Variants in DNAJC5 observed in about 807,000 individuals in gnomAD.
DNAJC5 encodes dnaJ homolog subfamily C member 5.
Under a neutral mutation model 23.2 loss-of-function variants are expected in DNAJC5, and 1 was observed. The observed-to-expected ratio is 0.04, with a 90% CI of 0.02 to 0.20. The LOEUF is 0.20. Among genes scored for constraint, DNAJC5 ranks in the 10% least tolerant of loss-of-function variants. DNAJC5 has a pLI of 1.00. For missense variants in DNAJC5, 180 were observed against 267.0 expected, an observed-to-expected ratio of 0.67 and a Z score of 2.27; for synonymous variants, 136 against 120.0, an observed-to-expected ratio of 1.13 and a Z score of -0.87.
intron 1 of DNAJC5, among the ~76,000 whole-genome samples, chr20:63,903,293 C>T (rs563597792): frequency 3.1e-4 from 47 of 152,186 alleles, no homozygotes; most frequent in Admixed American, 1.1e-3. Context: ...ATTGTAGGCA[C>T]GCACCACCTC....
At chr20:63,896,176 C>A (rs537590116) in intron 1 of DNAJC5, among the ~76,000 whole-genome samples, 21 of 152,254 alleles carry the variant, frequency 1.4e-4, no homozygotes, top group African/African-American at 4.8e-4. Context: ...TTACATTGCT[C>A]CCACTATTGT....
At chr20:63,923,011 C>T (rs923661846) in intron 1 of DNAJC5, among the ~76,000 whole-genome samples, 3 of 151,872 alleles carry the variant, frequency 2.0e-5, no homozygotes, top group Non-Finnish European at 2.9e-5. Flanking sequence ...CGTGGTGGTA[C>T]GTGCCTGTAG....
At chr20:63,916,952 C>T (rs151241652) in intron 1 of DNAJC5, among the ~76,000 whole-genome samples, 19 of 152,284 alleles carry the variant, frequency 1.2e-4, no homozygotes, top group Admixed American at 2.6e-4. Flanking sequence ...CTGAAAATCA[C>T]GATTATTCTG....
At position 63,930,899 on chromosome 20, in the gene DNAJC5, T is replaced by G. The variant is rs373850027; in HGVS notation, c.370T>G (p.Cys124Gly). 12 of 1,613,928 alleles carry G rather than the reference T, an allele frequency of 7.4e-6. No individual in the cohort carries two copies. The highest frequency in any genetic ancestry group is 1.3e-5 in the African/African-American group (1 of 74,952). The change falls in exon 4 of 5, where the codon TGT becomes GGT. Residue 124 changes from cysteine to glycine, a missense_variant. Physicochemically the swap from Cys to Gly is radical, Grantham distance 159. Around this residue, in one of 3 missense-constraint regions of DNAJC5, gnomAD observed 97 missense variants for 123.4 expected, o/e 0.79. Transcript: ENST00000360864. ...GLLTCCYCCC[C>G]LCCCFNCCCG... ...CCTCACGTGCTGCTACTGCTGCTGC[T>G]GTCTGTGCTGCTGCTTCAACTGCTG... is the stretch of plus-strand genomic sequence containing the variant.
In DNAJC5 at chr20:63,934,090, ACT is replaced by A. The variant is rs1270433637; in HGVS notation, c.*2524_*2525del. 6.6e-6 allele frequency: 1 copy of A among 151,798 alleles called. No individual in the cohort carries two copies. Among genetic ancestry groups the A allele is most frequent in the Non-Finnish European group, 1.5e-5 (1 of 67,892 alleles). The allele number at this position is 151,798 out of a possible 1,614,324, so 9.4% of individuals were successfully genotyped here. A position where few individuals can be genotyped will look rare whatever the true frequency, so the allele number is the denominator to read the frequency against. ...TAGACGACCCCCGGGAAGCCCAGAC[ACT>A]CGGGGCCTGGAGTTCCTCCCCCTGC... is the stretch of plus-strand genomic sequence containing the variant. On this transcript the variant is annotated 3_prime_UTR_variant, in exon 5 of 5. Coordinates refer to ENST00000360864, the MANE Select transcript of DNAJC5 (RefSeq NM_025219.3).
chr20:63,914,936 A>C (rs568692939), intron 1 of DNAJC5, among the ~76,000 whole-genome samples: 1 of 152,246 alleles, frequency 6.6e-6, no homozygotes, highest in South Asian at 2.1e-4. Context: ...GCTTTTGTAA[A>C]AGTTTTGGAA....
At position 63,932,422 on chromosome 20, in the gene DNAJC5, C is replaced by G. The variant is rs1255338436; in HGVS notation, c.*854C>G. On this transcript the variant is annotated 3_prime_UTR_variant, in exon 5 of 5. Transcript: ENST00000360864. This position sits in a 1 kb window ranked among gnomAD's most constrained non-coding sequence, Gnocchi z 4.4. The stretch of plus-strand genomic sequence containing the variant: ...TGGATTGATGGGGCCAGTCTCCCCC[C>G]TCCCATCTTGAGGTCGTTCTCCACA... The G allele has an allele frequency of 1.3e-5, 2 of 152,826 alleles. No homozygotes were observed. The highest frequency in any genetic ancestry group is 6.5e-5 in the Admixed American group (1 of 15,272). The allele number at this position is 152,826 out of a possible 1,614,324, so 9.5% of individuals were successfully genotyped here. A position where few individuals can be genotyped will look rare whatever the true frequency, so the allele number is the denominator to read the frequency against.
chr20:63,920,257 G>A lies in DNAJC5; in HGVS notation c.-11-8078G>A, dbSNP rs573342809. 6.6e-6 allele frequency among the ~76,000 whole-genome samples: 1 copy of A among 152,388 alleles called. No individual in the cohort carries two copies. The highest frequency in any genetic ancestry group is 1.9e-4 in the East Asian group (1 of 5,190). ...CTCCAGCCAGCAGGGAGCAGGGCAG[G>A]GTGTTGAAGAGACGGCAGGTGCGTC... On this transcript the variant is annotated intron_variant, in intron 1 of 4. Coordinates refer to ENST00000360864, the MANE Select transcript of DNAJC5 (RefSeq NM_025219.3). The surrounding 1 kb of genome is among the most constrained non-coding windows in gnomAD (Gnocchi z 4.6).
At chr20:63,918,262 G>C (rs953185158) in intron 1 of DNAJC5, among the ~76,000 whole-genome samples, 1 of 152,130 alleles carries the variant, frequency 6.6e-6, no homozygotes, top group Non-Finnish European at 1.5e-5. Context: ...TGTGCCTATA[G>C]TCCCAGCTAC....
chr20:63,927,244 C>T (rs1487812442), intron 1 of DNAJC5, among the ~76,000 whole-genome samples: 1 of 151,954 alleles, frequency 6.6e-6, no homozygotes, highest in Non-Finnish European at 1.5e-5. Flanking sequence ...TTGCCAGGCG[C>T]TGTGGCTCAC....
At chr20:63,898,907 C>T (rs866536909) in intron 1 of DNAJC5, among the ~76,000 whole-genome samples, 8 of 152,144 alleles carry the variant, frequency 5.3e-5, no homozygotes, top group Admixed American at 2.0e-4. Flanking sequence ...CTGATTAGAA[C>T]GTTCTCGTGC....
Position 63,928,339 on chromosome 20 carries a change from G to A in DNAJC5, c.-7G>A. 6.2e-7 allele frequency: 1 copy of A among 1,612,354 alleles called. No individual in the cohort carries two copies. Among genetic ancestry groups the A allele is most frequent in the Non-Finnish European group, 8.5e-7 (1 of 1,178,758 alleles). On this transcript the variant is annotated 5_prime_UTR_variant, in exon 2 of 5. Coordinates refer to ENST00000360864, the MANE Select transcript of DNAJC5 (RefSeq NM_025219.3). The surrounding 1 kb of genome is among the most constrained non-coding windows in gnomAD (Gnocchi z 4.6). ...TCTTTTTATTTTTTCTTCTAGAATA[G>A]CCTAACATGGCAGACCAGAGACAGC...
intron 1 of DNAJC5, among the ~76,000 whole-genome samples, chr20:63,899,797 G>A (rs758656615): frequency 9.9e-5 from 15 of 151,650 alleles, no homozygotes; most frequent in Non-Finnish European, 2.1e-4. Flanking sequence ...TAGCCAGGAT[G>A]GTCTCGATCT....
At chr20:63,925,106 A>G (rs2053601303) in intron 1 of DNAJC5, among the ~76,000 whole-genome samples, 1 of 152,132 alleles carries the variant, frequency 6.6e-6, no homozygotes, top group Non-Finnish European at 1.5e-5. Context: ...CTTTTTATGG[A>G]CTCAGGATGC....
At chr20:63,918,251 G>A (rs1022111442) in intron 1 of DNAJC5, among the ~76,000 whole-genome samples, 1 of 152,180 alleles carries the variant, frequency 6.6e-6, no homozygotes, top group African/African-American at 2.4e-5. Context: ...GCACGATGCT[G>A]TGTGCCTATA....
Position 63,929,696 on chromosome 20 carries a change from C to T in DNAJC5, c.321+171C>T, listed in dbSNP as rs1253900788. Among the ~76,000 whole-genome samples, 2 of 150,234 alleles carry T rather than the reference C, an allele frequency of 1.3e-5. No individual in the cohort carries two copies. The highest frequency in any genetic ancestry group is 5.0e-5 in the African/African-American group (2 of 40,266). ...CTGCCGTGCGGGCACCCGAGTCACT[C>T]CTGCCGTGCGGGCGCCCGAGTCACT... On this transcript the variant is annotated intron_variant, in intron 3 of 4. Coordinates refer to ENST00000360864, the MANE Select transcript of DNAJC5 (RefSeq NM_025219.3). The surrounding 1 kb of genome is among the most constrained non-coding windows in gnomAD (Gnocchi z 8.6).
intron 1 of DNAJC5, among the ~76,000 whole-genome samples, chr20:63,910,273 G>A (rs939419422): frequency 2.6e-5 from 4 of 151,862 alleles, no homozygotes; most frequent in Non-Finnish European, 5.9e-5. Flanking sequence ...GGCCGGGCGC[G>A]GTGGCTCACG....
rs1040376494 is a variant in DNAJC5, at chr20:63,920,560, C to T, written c.-11-7775C>T. On this transcript the variant is annotated intron_variant, in intron 1 of 4. Coordinates refer to ENST00000360864, the MANE Select transcript of DNAJC5 (RefSeq NM_025219.3). This position sits in a 1 kb window ranked among gnomAD's most constrained non-coding sequence, Gnocchi z 4.6. The stretch of plus-strand genomic sequence containing the variant: ...GAAGCTCAGCGTCCCTGCACGTGTG[C>T]GGTCTTGTCTGCCTAGGCATGTGTG... Among the ~76,000 whole-genome samples, 5 of 152,268 alleles carry T rather than the reference C, an allele frequency of 3.3e-5. No individual in the cohort carries two copies. Among genetic ancestry groups the T allele is most frequent in the African/African-American group, 7.2e-5 (3 of 41,476 alleles).
chr20:63,922,313 A>G (rs1207224473), intron 1 of DNAJC5, among the ~76,000 whole-genome samples: 1 of 151,868 alleles, frequency 6.6e-6, no homozygotes, highest in African/African-American at 2.4e-5. Flanking sequence ...ATACAAAAAA[A>G]TTAGCTGGGT....
Sources: allele counts gnomAD v4.1 joint callset (sites outside exome capture counted in the v4.1 genomes callset), GRCh38; gene constraint gnomAD v4.1.1; regional missense constraint gnomAD v4.1.1; non-coding constraint Gnocchi (gnomAD v3.1); transcripts MANE v1.5; gene names NCBI Gene and HGNC (gene_info 2026-07-23, HGNC 2026-07-21).